Variants in HAT1 observed in about 807,000 individuals in gnomAD.
The protein encoded by HAT1 is histone acetyltransferase 1.
HAT1 carries 20 observed loss-of-function variants against 56.6 expected under a neutral mutation model. That is an observed-to-expected ratio of 0.35 (90% CI 0.25 to 0.51). The LOEUF (loss-of-function observed/expected upper bound fraction) is 0.51, where lower values mean the gene tolerates loss of function less well. HAT1 is among the 20% of genes least tolerant of loss of function. HAT1 has a pLI of 0.95. For synonymous variants in HAT1, 146 were observed against 165.5 expected (o/e 0.88, Z 0.91); for missense variants, 408 against 504.3 (o/e 0.81, Z 1.83).
intron 2 of HAT1, among the ~76,000 whole-genome samples, chr2:171,935,048 G>T (rs962936994): frequency 6.6e-6 from 1 of 151,290 alleles, no homozygotes; most frequent in South Asian, 2.1e-4. Context: ...GAGCCACCGC[G>T]CCTGGCCTAG....
At chr2:171,933,129 C>CTT in intron 2 of HAT1, among the ~76,000 whole-genome samples, 1 of 152,120 alleles carries the variant, frequency 6.6e-6, no homozygotes, top group Non-Finnish European at 1.5e-5. Context: ...GTGATCATGG[C>CTT]TCACTGTAGC....
Position 171,966,780 on chromosome 2 carries a change from T to C in HAT1, c.717-63T>C, listed in dbSNP as rs1687692876. ...TAAAGTGTTTGTAATACTATAGTGA[T>C]CTGCAGGTTTTAAACTGGTCATGTT... On this transcript the variant is annotated intron_variant, in intron 7 of 10. Coordinates refer to ENST00000264108, the MANE Select transcript of HAT1 (RefSeq NM_003642.4). 3.9e-6 allele frequency: 3 copies of C among 772,828 alleles called. No individual in the cohort carries two copies. In the East Asian group the frequency reaches 7.8e-5, roughly 20 times the overall value. 47.9% of individuals were successfully genotyped at this position (772,828 alleles called of 1,614,324 possible). A position where few individuals can be genotyped will look rare whatever the true frequency, so the allele number is the denominator to read the frequency against.
intron 3 of HAT1, among the ~76,000 whole-genome samples, chr2:171,948,042 CTG>C (rs1687215833): frequency 6.6e-6 from 1 of 152,114 alleles, no homozygotes; most frequent in African/African-American, 2.4e-5. Context: ...ACAGTGATCT[CTG>C]TATATTTTTT....
chr2:171,952,941 G>A lies in HAT1; in HGVS notation c.249G>A (p.Leu83=), dbSNP rs1353410739. The A allele has an allele frequency of 6.3e-7, 1 of 1,588,038 alleles. No individual in the cohort carries two copies. The highest frequency in any genetic ancestry group is 2.2e-5 in the East Asian group (1 of 44,712). The part of the protein sequence containing the change: ...KILLYYIAGS[L]STMFRVEYAS... The stretch of plus-strand genomic sequence containing the variant: ...TGTTATACTATATTGCTGGTAGCCT[G>A]TCAACAATGTTCCGTGTTGAATATG... Residue 83 remains leucine (L), a synonymous_variant, in exon 4 of 11, where the codon CTG becomes CTA. Transcript: ENST00000264108.
chr2:171,965,203 T>G, intron 4 of HAT1, 135 bp from the exon 5 acceptor site: 1 of 594,494 alleles, frequency 1.7e-6, no homozygotes, highest in African/African-American at 1.9e-5. Context: ...CTTTTCCAAT[T>G]CGCTGTGTGT....
chr2:171,956,913 A>G (rs1326759829), intron 4 of HAT1, among the ~76,000 whole-genome samples: 1 of 152,160 alleles, frequency 6.6e-6, no homozygotes, highest in Non-Finnish European at 1.5e-5. Context: ...TCTGGAGAGA[A>G]AGCCGTGAGT....
chr2:171,971,631 C>T (rs1687818273), intron 8 of HAT1, among the ~76,000 whole-genome samples: 2 of 152,166 alleles, frequency 1.3e-5, no homozygotes. Context: ...ACCGGGCTCT[C>T]TAATGATCTA....
chr2:171,950,650 C>T (rs896095907), intron 3 of HAT1, among the ~76,000 whole-genome samples: 3 of 151,928 alleles, frequency 2.0e-5, no homozygotes, highest in African/African-American at 7.3e-5. Context: ...ACTATAGACA[C>T]GTGCTATCCC....
chr2:171,937,409 T>A (rs1385597385), intron 2 of HAT1, among the ~76,000 whole-genome samples: 1 of 151,972 alleles, frequency 6.6e-6, no homozygotes. Flanking sequence ...GACACAAAGA[T>A]TGGAGGGGAG....
intron 4 of HAT1, among the ~76,000 whole-genome samples, chr2:171,960,748 G>C (rs977557807): frequency 6.6e-6 from 1 of 151,850 alleles, no homozygotes; most frequent in Non-Finnish European, 1.5e-5. Flanking sequence ...CTCCTGCTCT[G>C]TGCTTGTAAT....
chr2:171,950,692 C>T (rs1314790930), intron 3 of HAT1, among the ~76,000 whole-genome samples: 2 of 151,970 alleles, frequency 1.3e-5, no homozygotes, highest in South Asian at 4.2e-4. Flanking sequence ...TTAGTAGAGA[C>T]GGGGTTTCAC....
intron 2 of HAT1, among the ~76,000 whole-genome samples, chr2:171,932,114 C>T (rs1244599634): frequency 6.6e-6 from 1 of 152,120 alleles, no homozygotes; most frequent in Non-Finnish European, 1.5e-5. Flanking sequence ...TGGTGAATTA[C>T]ATTGATGAGG....
chr2:171,936,143 T>A (rs1205779998), intron 2 of HAT1, among the ~76,000 whole-genome samples: 1 of 152,110 alleles, frequency 6.6e-6, no homozygotes, highest in Non-Finnish European at 1.5e-5. Flanking sequence ...AAGATTTAAG[T>A]CAGATGTAGT....
At chr2:171,959,414 C>T (rs1687523584) in intron 4 of HAT1, among the ~76,000 whole-genome samples, 1 of 152,132 alleles carries the variant, frequency 6.6e-6, no homozygotes, top group African/African-American at 2.4e-5. Flanking sequence ...ATAGATAAAT[C>T]TTTTAAATAT....
At chr2:171,932,969 A>G (rs1393253833) in intron 2 of HAT1, among the ~76,000 whole-genome samples, 2 of 152,090 alleles carry the variant, frequency 1.3e-5, no homozygotes, top group African/African-American at 4.8e-5. Flanking sequence ...AAGTTTACCA[A>G]TCTTACTGAT....
intron 2 of HAT1, among the ~76,000 whole-genome samples, chr2:171,943,437 G>GAAAAAAAAAAAAAAAAAAAAAAAA (rs1687079374): frequency 1.1e-5 from 1 of 88,280 alleles, no homozygotes; most frequent in African/African-American, 4.4e-5. Flanking sequence ...AAAAAAAAAG[G>GAAAAAAAAAAAAAAAAAAAAAAAA]AAACTAAGCA....
At chr2:171,960,429 A>G (rs570512616) in intron 4 of HAT1, among the ~76,000 whole-genome samples, 1 of 152,322 alleles carries the variant, frequency 6.6e-6, no homozygotes, top group East Asian at 1.9e-4. Flanking sequence ...GTTTGAGTCT[A>G]ATATATTAGG....
intron 5 of HAT1, 81 bp from the exon 6 acceptor site, chr2:171,965,706 C>T (rs1324572234): frequency 2.2e-6 from 3 of 1,341,288 alleles, no homozygotes; most frequent in Non-Finnish European, 3.1e-6. Flanking sequence ...AACATTTTCC[C>T]ACAGGATAAT....
chr2:171,966,961 T>A lies in HAT1; in HGVS notation c.823+12T>A. ...TCTTGATATTACAGGTATGTAAAAT[T>A]TGATTTGTTACTGAAAGAGCCTTTC... On this transcript the variant is annotated intron_variant, in intron 8 of 10. Coordinates refer to ENST00000264108, the MANE Select transcript of HAT1 (RefSeq NM_003642.4). 1 of 1,127,614 alleles carries A rather than the reference T, an allele frequency of 8.9e-7. No individual in the cohort carries two copies. The highest frequency in any genetic ancestry group is 2.4e-5 in the East Asian group (1 of 42,260). 69.9% of individuals were successfully genotyped at this position (1,127,614 alleles called of 1,614,324 possible).
Sources: allele counts gnomAD v4.1 joint callset (sites outside exome capture counted in the v4.1 genomes callset), GRCh38; gene constraint gnomAD v4.1.1; transcripts MANE v1.5; gene names NCBI Gene and HGNC (gene_info 2026-07-23, HGNC 2026-07-21).